CAMK2B: variants seen among roughly 807,000 people sequenced by gnomAD.
The protein encoded by CAMK2B is calcium/calmodulin dependent protein kinase II beta.
A neutral mutation model predicts 93.7 loss-of-function variants in CAMK2B; 27 were observed. The observed-to-expected ratio is 0.29, with a 90% CI of 0.21 to 0.40. CAMK2B has a LOEUF of 0.40. CAMK2B is among the 10% of genes least tolerant of loss of function. The pLI, the probability that CAMK2B is intolerant of heterozygous loss-of-function variation, is 1.00. For synonymous variants in CAMK2B, 374 were observed against 358.8 expected (o/e 1.04, Z -0.48); for missense variants, 568 against 895.8 (o/e 0.63, Z 4.67).
At chr7:44,272,781 G>A (rs543345054) in intron 2 of CAMK2B, among the ~76,000 whole-genome samples, 2 of 152,372 alleles carry the variant, frequency 1.3e-5, no homozygotes, top group South Asian at 4.1e-4. Context: ...GGGGTCCACA[G>A]CATCTTCCCT....
rs372508812 is a variant in CAMK2B, at chr7:44,226,685, G to A, written c.1469-41C>T. ...CGAGACGTGAACACAAGGCAGGCAC[G>A]GGGGGCACGCAGGAGAGAAACCATG... On this transcript the variant is annotated intron_variant, in intron 19 of 23. Coordinates refer to ENST00000395749, the MANE Select transcript of CAMK2B (RefSeq NM_001220.5). The A allele has an allele frequency of 2.2e-5, 33 of 1,498,268 alleles. No individual in the cohort carries two copies. In the African/African-American group the frequency reaches 2.5e-4, roughly 12 times the overall value. The allele number at this position is 1,498,268 out of a possible 1,614,324, so 92.8% of individuals were successfully genotyped here.
intron 1 of CAMK2B, among the ~76,000 whole-genome samples, chr7:44,322,452 T>C (rs1010480033): frequency 2.0e-5 from 3 of 152,254 alleles, no homozygotes; most frequent in Admixed American, 1.3e-4. Context: ...TTCAATTCTG[T>C]GTAGAAGAGA....
intron 1 of CAMK2B, among the ~76,000 whole-genome samples, chr7:44,290,612 G>A (rs926119569): frequency 6.6e-6 from 1 of 152,148 alleles, no homozygotes; most frequent in Non-Finnish European, 1.5e-5. Flanking sequence ...TTCTTGTGTG[G>A]GTGAAACTAA....
rs148777392 is a variant in CAMK2B, at chr7:44,262,982, G to A, written c.220+23C>T. 5.7e-5 allele frequency: 91 copies of A among 1,606,462 alleles called. 1 individual carries two copies. The highest frequency in any genetic ancestry group is 3.8e-4 in the East Asian group (17 of 44,772). ...CGGGAGAAGGTGGGGACCCATCCCCGCTCCCTACCCCAGGCTGCTCACCGA... is the reference window on the plus strand; with the variant it reads ...CGGGAGAAGGTGGGGACCCATCCCCACTCCCTACCCCAGGCTGCTCACCGA... On this transcript the variant is annotated intron_variant, in intron 3 of 23. Transcript: ENST00000395749.
At chr7:44,296,914 A>G (rs1283159073) in intron 1 of CAMK2B, among the ~76,000 whole-genome samples, 1 of 152,236 alleles carries the variant, frequency 6.6e-6, no homozygotes, top group Non-Finnish European at 1.5e-5. Context: ...AAATGTTAAA[A>G]GAAATTATTC....
At chr7:44,222,880 T>G (rs1038470869) in intron 20 of CAMK2B, among the ~76,000 whole-genome samples, 1 of 152,160 alleles carries the variant, frequency 6.6e-6, no homozygotes, top group Non-Finnish European at 1.5e-5. Flanking sequence ...TGCCCGGGTG[T>G]GCTCATGCAT....
In CAMK2B at chr7:44,271,563, T is replaced by C. The variant is rs1163191212; in HGVS notation, c.161-8499A>G. 6.6e-6 allele frequency among the ~76,000 whole-genome samples: 1 copy of C among 152,224 alleles called. No individual in the cohort carries two copies. Among genetic ancestry groups the C allele is most frequent in the Admixed American group, 6.5e-5 (1 of 15,282 alleles). On this transcript the variant is annotated intron_variant, in intron 2 of 23. Transcript: ENST00000395749. This position sits in a 1 kb window ranked among gnomAD's most constrained non-coding sequence, Gnocchi z 4.2. ...TGGGGCAGGCAGAGGCCAGCTCACA[T>C]CTTGGGGCCAGCACTTGCCAACCTG...
At chr7:44,252,561 C>G (rs1437433224) in intron 5 of CAMK2B, among the ~76,000 whole-genome samples, 6 of 150,578 alleles carry the variant, frequency 4.0e-5, no homozygotes, top group African/African-American at 1.5e-4. Context: ...GAGGGTGGGG[C>G]TGTGGTCTAA....
chr7:44,283,628 C>T (rs35898595), intron 2 of CAMK2B, among the ~76,000 whole-genome samples: 32,640 of 152,246 alleles, frequency 0.21, 4,307 homozygotes, highest in Middle Eastern at 0.3. Flanking sequence ...GACGCCAGGA[C>T]TCTGCTGTCA....
intron 13 of CAMK2B, among the ~76,000 whole-genome samples, chr7:44,239,369 C>G (rs2096654718): frequency 1.3e-5 from 2 of 152,240 alleles, no homozygotes; most frequent in South Asian, 4.1e-4. Flanking sequence ...GCCACCTAGC[C>G]CAGCCCCTCC....
At position 44,225,214 on chromosome 7, in the gene CAMK2B, G is replaced by T. The variant is rs1189356981; in HGVS notation, c.1597+1302C>A. On this transcript the variant is annotated intron_variant, in intron 20 of 23. Coordinates refer to ENST00000395749, the MANE Select transcript of CAMK2B (RefSeq NM_001220.5). This position sits in a 1 kb window ranked among gnomAD's most constrained non-coding sequence, Gnocchi z 5.0. ...AGGGCAGGCTGCAGTCCTGGGCTGG[G>T]GTCATGCCAACCTGATGGGGTGACC... Among the ~76,000 whole-genome samples the T allele has an allele frequency of 6.6e-6, 1 of 152,136 alleles. No individual in the cohort carries two copies. Among genetic ancestry groups the T allele is most frequent in the Non-Finnish European group, 1.5e-5 (1 of 67,996 alleles).
At chr7:44,324,118 A>G (rs538032181) in intron 1 of CAMK2B, among the ~76,000 whole-genome samples, 1 of 152,312 alleles carries the variant, frequency 6.6e-6, no homozygotes, top group East Asian at 1.9e-4. Flanking sequence ...GTGGGGAATG[A>G]ACACACCCCC....
intron 1 of CAMK2B, among the ~76,000 whole-genome samples, chr7:44,322,031 C>A (rs1796217787): frequency 6.6e-6 from 1 of 152,246 alleles, no homozygotes; most frequent in Non-Finnish European, 1.5e-5. Context: ...GCATTCAGGG[C>A]CCGGGCCGTG....
chr7:44,235,605 G>C (rs905586132), intron 13 of CAMK2B, among the ~76,000 whole-genome samples: 2 of 152,262 alleles, frequency 1.3e-5, no homozygotes. Flanking sequence ...AACAAGATTT[G>C]TGTTGGTTCG....
chr7:44,319,354 T>C (rs1487505387), intron 1 of CAMK2B, among the ~76,000 whole-genome samples: 1 of 152,138 alleles, frequency 6.6e-6, no homozygotes, highest in Non-Finnish European at 1.5e-5. Flanking sequence ...ACTGTTAAAT[T>C]CTAGGGTGGC....
chr7:44,254,563 T>A lies in CAMK2B; in HGVS notation c.320A>T (p.Tyr107Phe). The change falls in exon 5 of 24, where the codon TAC becomes TTC. Residue 107 changes from tyrosine to phenylalanine, a missense_variant. Physicochemically the swap from Tyr to Phe is conservative, Grantham distance 22. Transcript: ENST00000395749. ...CCACCTGGCATCAGCCTCGCTGTAG[T>A]ACTCTCTCGCCACAATGTCTTCAAA... Reference protein sequence around the residue: ...ELFEDIVAREYYSEADASHCI... With the variant: ...ELFEDIVAREFYSEADASHCI... The A allele has an allele frequency of 6.2e-7, 1 of 1,612,328 alleles. No individual in the cohort carries two copies. Among genetic ancestry groups the A allele is most frequent in the Non-Finnish European group, 8.5e-7 (1 of 1,179,112 alleles).
At chr7:44,304,794 A>G (rs1167748908) in intron 1 of CAMK2B, among the ~76,000 whole-genome samples, 6 of 152,232 alleles carry the variant, frequency 3.9e-5, no homozygotes, top group Admixed American at 3.3e-4. Flanking sequence ...TGTAACAAAT[A>G]TGCCAAACTA....
chr7:44,239,685 C>T lies in CAMK2B; in HGVS notation c.947-22G>A, dbSNP rs536028795. On this transcript the variant is annotated intron_variant, in intron 12 of 23. Transcript: ENST00000395749. Reference sequence around the variant, plus strand: ...CCCACTGTTAGCACCGGGTTAGAGACGAGGGGAAGGGAGGGGTGGGCGGAC... The same window carrying T: ...CCCACTGTTAGCACCGGGTTAGAGATGAGGGGAAGGGAGGGGTGGGCGGAC... 2.1e-4 allele frequency: 276 copies of T among 1,291,252 alleles called. 4 individuals carry two copies. The South Asian group carries it at 2.8e-3, about 13-fold the overall frequency. The allele number at this position is 1,291,252 out of a possible 1,614,324, so 80.0% of individuals were successfully genotyped here.
At chr7:44,251,446 A>G (rs1486836977) in intron 5 of CAMK2B, among the ~76,000 whole-genome samples, 1 of 152,208 alleles carries the variant, frequency 6.6e-6, no homozygotes, top group African/African-American at 2.4e-5. Context: ...TCACCCAGAA[A>G]GAAAGGAGCC....
Sources: gnomAD v4.1 joint callset for allele counts (sites outside exome capture counted in the v4.1 genomes callset) on GRCh38, gnomAD v4.1.1 for gene constraint, Gnocchi (gnomAD v3.1) non-coding constraint, MANE v1.5 for transcripts, NCBI Gene and HGNC (gene_info 2026-07-23, HGNC 2026-07-21) for gene names.